GRIP1: variants seen among roughly 807,000 people sequenced by gnomAD.
The protein encoded by GRIP1 is glutamate receptor interacting protein 1.
A neutral mutation model predicts 129.9 loss-of-function variants in GRIP1; 45 were observed. The observed-to-expected ratio is 0.35, with a 90% CI of 0.27 to 0.44. The LOEUF is 0.44. Among genes scored for constraint, GRIP1 ranks in the 20% least tolerant of loss-of-function variants. The pLI is 1.00. For missense variants in GRIP1, 1,196 were observed against 1,396.8 expected (o/e 0.86, Z 2.29); for synonymous variants, 530 against 520.8 (o/e 1.02, Z -0.24).
At chr12:66,467,276 A>G (rs537797912) in intron 7 of GRIP1, among the ~76,000 whole-genome samples, 3 of 152,282 alleles carry the variant, frequency 2.0e-5, no homozygotes, top group Admixed American at 6.5e-5. Context: ...TGATTTGCCC[A>G]TAAGCCTAAC....
At chr12:66,386,815 C>G (rs1010825671) in intron 19 of GRIP1, among the ~76,000 whole-genome samples, 8 of 152,280 alleles carry the variant, frequency 5.3e-5, no homozygotes, top group Admixed American at 3.3e-4. Context: ...AAAATCAAAT[C>G]ATATGTTTGT....
intron 20 of GRIP1, 35 bp downstream of exon 20, chr12:66,379,245 A>G (rs552270091): frequency 1.7e-5 from 28 of 1,605,066 alleles, no homozygotes; most frequent in Non-Finnish European, 2.3e-5. Context: ...CCATGCAGTC[A>G]TCTTGGATGA....
chr12:66,970,754 T>G (rs573918599), intron 1 of GRIP1, among the ~76,000 whole-genome samples: 88 of 152,266 alleles, frequency 5.8e-4, no homozygotes, highest in Non-Finnish European at 1.2e-3. Context: ...GGGCCTATGT[T>G]GCTGTACTGT....
At chr12:66,434,673 T>G (rs1592857260) in intron 13 of GRIP1, among the ~76,000 whole-genome samples, 5 of 152,250 alleles carry the variant, frequency 3.3e-5, no homozygotes, top group Admixed American at 3.3e-4. Flanking sequence ...ATGCCTTTCC[T>G]GAGTCCTCCC....
At chr12:66,912,914 T>C (rs1310778341) in intron 1 of GRIP1, among the ~76,000 whole-genome samples, 1 of 152,138 alleles carries the variant, frequency 6.6e-6, no homozygotes, top group Non-Finnish European at 1.5e-5. Flanking sequence ...GGAAGTTACC[T>C]CAAGTTTAAA....
chr12:66,916,766 A>G (rs148969493), intron 1 of GRIP1, among the ~76,000 whole-genome samples: 2 of 152,234 alleles, frequency 1.3e-5, no homozygotes, highest in East Asian at 3.9e-4. Context: ...TGAAGCCTCT[A>G]ATAGGAAAAA....
At chr12:66,440,423 T>A (rs1401698738) in intron 13 of GRIP1, among the ~76,000 whole-genome samples, 4 of 152,212 alleles carry the variant, frequency 2.6e-5, no homozygotes, top group Non-Finnish European at 2.9e-5. Context: ...TTTCCAAATT[T>A]TTTTTGGACC....
At chr12:66,369,584 G>T (rs1398184399) in intron 23 of GRIP1, among the ~76,000 whole-genome samples, 1 of 151,978 alleles carries the variant, frequency 6.6e-6, no homozygotes, top group Non-Finnish European at 1.5e-5. Flanking sequence ...TATAAGTGAG[G>T]GCTGAGAATG....
At chr12:66,581,172 T>C (rs2063362601) in intron 2 of GRIP1, among the ~76,000 whole-genome samples, 1 of 151,968 alleles carries the variant, frequency 6.6e-6, no homozygotes, top group African/African-American at 2.4e-5. Context: ...CATAACGAAA[T>C]GAAGGCAGAA....
chr12:66,986,067 TAACTC>T (rs1441201427), intron 1 of GRIP1, among the ~76,000 whole-genome samples: 1 of 152,180 alleles, frequency 6.6e-6, no homozygotes, highest in Admixed American at 6.5e-5. Flanking sequence ...ATACATTACT[TAACTC>T]AACCACAAAT....
intron 1 of GRIP1, among the ~76,000 whole-genome samples, chr12:66,912,503 AATTAT>A (rs2041046662): frequency 6.6e-6 from 1 of 152,164 alleles, no homozygotes; most frequent in African/African-American, 2.4e-5. Context: ...AAAAATATTC[AATTAT>A]ATTTGATTCA....
intron 1 of GRIP1, among the ~76,000 whole-genome samples, chr12:66,684,971 C>A (rs1315750294): frequency 6.6e-6 from 1 of 152,164 alleles, no homozygotes; most frequent in Non-Finnish European, 1.5e-5. Flanking sequence ...CTGTATCAAG[C>A]TCCATTTCCT....
At chr12:66,489,950 T>C (rs1170038925) in intron 7 of GRIP1, among the ~76,000 whole-genome samples, 3 of 151,998 alleles carry the variant, frequency 2.0e-5, no homozygotes, top group African/African-American at 7.3e-5. Context: ...TTAAGGAGCA[T>C]TACAAACCAC....
intron 4 of GRIP1, among the ~76,000 whole-genome samples, chr12:66,533,880 T>TCTCTCTC (rs1565836273): frequency 4.5e-4 from 58 of 128,766 alleles, no homozygotes; most frequent in Non-Finnish European, 2.3e-4. Context: ...CACACACACA[T>TCTCTCTC]ACACACACTC....
At chr12:67,039,016 TAAACAC>T (rs1342476123) in intron 1 of GRIP1, among the ~76,000 whole-genome samples, 3 of 59,848 alleles carry the variant, frequency 5.0e-5, no homozygotes, top group Non-Finnish European at 1.2e-4. Flanking sequence ...TCACAAATAA[TAAACAC>T]ACACACACAC....
chr12:66,408,502 T>TA (rs952171787), intron 15 of GRIP1, among the ~76,000 whole-genome samples: 9 of 151,920 alleles, frequency 5.9e-5, no homozygotes, highest in Admixed American at 5.2e-4. Context: ...TTAAATATAA[T>TA]AAAAAAATAA....
intron 2 of GRIP1, among the ~76,000 whole-genome samples, chr12:66,556,361 A>G (rs1592543958): frequency 6.6e-6 from 1 of 152,302 alleles, no homozygotes; most frequent in Middle Eastern, 3.4e-3. Context: ...AGAAATAAAG[A>G]CCTTCCTAGA....
At chr12:66,737,944 G>C (rs1225361013) in intron 1 of GRIP1, among the ~76,000 whole-genome samples, 1 of 152,180 alleles carries the variant, frequency 6.6e-6, no homozygotes, top group Non-Finnish European at 1.5e-5. Flanking sequence ...GCTGCAAAGA[G>C]AGCATACTAA....
intron 15 of GRIP1, among the ~76,000 whole-genome samples, chr12:66,413,427 C>G (rs919943627): frequency 1.3e-5 from 2 of 152,054 alleles, no homozygotes; most frequent in Non-Finnish European, 2.9e-5. Context: ...AGACCAACAA[C>G]CAGTTCTGAA....
Sources: gnomAD v4.1 joint callset for allele counts (sites outside exome capture counted in the v4.1 genomes callset) on GRCh38, gnomAD v4.1.1 for gene constraint, MANE v1.5 for transcripts, NCBI Gene and HGNC (gene_info 2026-07-23, HGNC 2026-07-21) for gene names.